The following PRKCE variants were observed in gnomAD, a reference collection of about 807,000 sequenced individuals.
PRKCE encodes protein kinase C epsilon.
In PRKCE, 16 loss-of-function variants were observed where a neutral mutation model predicts 85.4. That is an observed-to-expected ratio of 0.19 (90% CI 0.13 to 0.28). The LOEUF is 0.28. Ranked by LOEUF, PRKCE falls within the 10% of genes least tolerant of loss-of-function variation. PRKCE has a pLI of 1.00. For missense variants in PRKCE, 573 were observed against 975.2 expected (o/e 0.59, Z 5.49); for synonymous variants, 388 against 371.5 (o/e 1.04, Z -0.51).
chr2:46,135,254 A>G (rs1355501914), intron 11 of PRKCE, among the ~76,000 whole-genome samples: 1 of 152,154 alleles, frequency 6.6e-6, no homozygotes, highest in African/African-American at 2.4e-5. Context: ...AGAAACAACC[A>G]CCACCCCAAC....
intron 11 of PRKCE, among the ~76,000 whole-genome samples, chr2:46,098,623 C>T (rs920673864): frequency 4.6e-5 from 7 of 152,112 alleles, no homozygotes; most frequent in African/African-American, 1.7e-4. Context: ...GGGAATTTGA[C>T]ATCAATATAT....
intron 11 of PRKCE, among the ~76,000 whole-genome samples, chr2:46,127,266 A>G (rs886865204): frequency 2.0e-5 from 3 of 152,166 alleles, no homozygotes; most frequent in Admixed American, 1.3e-4. Flanking sequence ...TTTTTAATAC[A>G]GTGTCCCGCA....
chr2:45,887,663 G>T (rs563636533), intron 2 of PRKCE, among the ~76,000 whole-genome samples: 1 of 152,164 alleles, frequency 6.6e-6, no homozygotes, highest in South Asian at 2.1e-4. Flanking sequence ...CTAGAACCAT[G>T]CCACATCAGC....
intron 5 of PRKCE, among the ~76,000 whole-genome samples, chr2:45,981,198 A>C (rs1444477136): frequency 6.6e-6 from 1 of 152,186 alleles, no homozygotes; most frequent in Non-Finnish European, 1.5e-5. Flanking sequence ...AGATTAAAAA[A>C]CCTTTTTGAG....
chr2:45,724,370 T>C (rs1209730749), intron 1 of PRKCE, among the ~76,000 whole-genome samples: 1 of 152,304 alleles, frequency 6.6e-6, no homozygotes, highest in East Asian at 1.9e-4. Context: ...AACTAGCCAT[T>C]TCCCTGTCTC....
At chr2:45,834,131 C>G (rs528924171) in intron 1 of PRKCE, among the ~76,000 whole-genome samples, 2 of 152,210 alleles carry the variant, frequency 1.3e-5, no homozygotes, top group Non-Finnish European at 2.9e-5. Context: ...TGAGCCTACT[C>G]CATTTGTGGT....
intron 14 of PRKCE, among the ~76,000 whole-genome samples, chr2:46,182,552 C>T (rs1052684284): frequency 6.6e-6 from 1 of 152,182 alleles, no homozygotes; most frequent in Non-Finnish European, 1.5e-5. Flanking sequence ...CTTGGGTTTT[C>T]TGTGTGTCCC....
chr2:46,098,144 TTG>T (rs965725240), intron 11 of PRKCE, among the ~76,000 whole-genome samples: 7 of 152,154 alleles, frequency 4.6e-5, no homozygotes, highest in African/African-American at 1.7e-4. Context: ...TCTCTTATTT[TTG>T]TGTCTTTCAT....
rs566824446 is a variant in PRKCE, at chr2:46,042,835, C to G, written c.1437+32318C>G. ...CTGACTGTGGGCTTCTTCCCAGCAT[C>G]CTTGTTCACAGGCACCTCCCTGGTC... On this transcript the variant is annotated intron_variant, in intron 10 of 14. Transcript: ENST00000306156. Among the ~76,000 whole-genome samples the G allele has an allele frequency of 3.3e-5, 5 of 152,208 alleles. No individual in the cohort carries two copies. The South Asian group carries it at 1.0e-3, about 32-fold the overall frequency.
At chr2:45,878,054 A>C (rs1265716584) in intron 2 of PRKCE, among the ~76,000 whole-genome samples, 1 of 152,246 alleles carries the variant, frequency 6.6e-6, no homozygotes, top group Non-Finnish European at 1.5e-5. Flanking sequence ...TTAGTTGGTC[A>C]GGGAGATGGA....
At chr2:46,109,793 A>G (rs1227726511) in intron 11 of PRKCE, among the ~76,000 whole-genome samples, 1 of 152,148 alleles carries the variant, frequency 6.6e-6, no homozygotes, top group African/African-American at 2.4e-5. Flanking sequence ...TTAGTGGGAA[A>G]GCATCCAGCT....
chr2:46,153,588 G>A (rs1020579490), intron 13 of PRKCE, among the ~76,000 whole-genome samples: 9 of 152,094 alleles, frequency 5.9e-5, no homozygotes, highest in African/African-American at 1.4e-4. Context: ...GGGAAAGGGC[G>A]TCTGTTCAGA....
At chr2:45,842,627 T>C (rs1223939092) in intron 1 of PRKCE, among the ~76,000 whole-genome samples, 1 of 152,216 alleles carries the variant, frequency 6.6e-6, no homozygotes, top group African/African-American at 2.4e-5. Context: ...TGGGGCTGAA[T>C]GATTCTTTGT....
intron 10 of PRKCE, among the ~76,000 whole-genome samples, chr2:46,027,461 A>T (rs765392156): frequency 1.3e-5 from 2 of 152,170 alleles, no homozygotes; most frequent in African/African-American, 4.8e-5. Flanking sequence ...AAGGCCAGCA[A>T]CCATGTTCTA....
chr2:45,784,550 A>G (rs1396353653), intron 1 of PRKCE, among the ~76,000 whole-genome samples: 1 of 152,226 alleles, frequency 6.6e-6, no homozygotes, highest in African/African-American at 2.4e-5. Flanking sequence ...GGTGCCCCAA[A>G]TTGTAGATCT....
At chr2:46,052,450 AG>A (rs1708914959) in intron 10 of PRKCE, among the ~76,000 whole-genome samples, 1 of 152,254 alleles carries the variant, frequency 6.6e-6, no homozygotes, top group Non-Finnish European at 1.5e-5. Flanking sequence ...AAGAAGCTGA[AG>A]ACTTTTATAC....
chr2:46,162,570 T>C (rs1677884961), intron 14 of PRKCE, among the ~76,000 whole-genome samples: 1 of 152,092 alleles, frequency 6.6e-6, no homozygotes, highest in African/African-American at 2.4e-5. Flanking sequence ...GAGAGGGTAT[T>C]GATTAGGTAG....
chr2:45,941,724 A>C (rs777723595), intron 2 of PRKCE, among the ~76,000 whole-genome samples: 1 of 152,176 alleles, frequency 6.6e-6, no homozygotes, highest in Admixed American at 6.5e-5. Flanking sequence ...TCAAGCATGC[A>C]CTGGAAGAGC....
At chr2:46,061,275 A>G (rs1203912606) in intron 10 of PRKCE, among the ~76,000 whole-genome samples, 1 of 151,542 alleles carries the variant, frequency 6.6e-6, no homozygotes, top group Non-Finnish European at 1.5e-5. Flanking sequence ...ATGCCCAGCT[A>G]ATTTTTGTAT....
Sources: gnomAD v4.1 joint callset for allele counts (sites outside exome capture counted in the v4.1 genomes callset) on GRCh38, gnomAD v4.1.1 for gene constraint, MANE v1.5 for transcripts, NCBI Gene and HGNC (gene_info 2026-07-23, HGNC 2026-07-21) for gene names.